Variants in CAST observed in about 807,000 individuals in gnomAD.
CAST encodes MIR583 host.
CAST carries 76 observed loss-of-function variants against 119.6 expected under a neutral mutation model. That is an observed-to-expected ratio of 0.64 (90% confidence interval 0.53 to 0.77). The LOEUF (loss-of-function observed/expected upper bound fraction) is 0.77, where lower values mean the gene tolerates loss of function less well. Ranked by LOEUF, CAST falls within the 30% of genes least tolerant of loss-of-function variation. The probability of loss-of-function intolerance (pLI) is 0.00; values close to 1 mark genes in which losing one functional copy is unlikely to be tolerated. For synonymous variants in CAST, 319 were observed against 331.6 expected, an observed-to-expected ratio of 0.96 and a Z score of 0.41; for missense variants, 953 against 946.5, an observed-to-expected ratio of 1.01 and a Z score of -0.09.
intron 1 of CAST, among the ~76,000 whole-genome samples, chr5:96,616,604 A>G (rs1297257715): frequency 1.5e-4 from 23 of 152,158 alleles, no homozygotes; most frequent in Admixed American, 1.5e-3. Context: ...GGAAGAGAAC[A>G]GCAGCTTAGC....
rs149720358 is a variant in CAST, at chr5:96,688,936, G to A, written c.139-6900G>A. 3.7e-3 allele frequency among the ~76,000 whole-genome samples: 568 copies of A among 152,248 alleles called. 3 individuals carry two copies. Among genetic ancestry groups the A allele is most frequent in the African/African-American group, 0.013 (539 of 41,538 alleles). ...AGATTTTTTACTTTGGGGCCCCTAA[G>A]AGATACTTTCAGAGCAAGGCTGCTG... On this transcript the variant is annotated intron_variant, in intron 2 of 31. Coordinates refer to ENST00000675179, the MANE Select transcript of CAST (RefSeq NM_001750.7).
chr5:96,190,700 A>G, the CAST span, among the ~76,000 whole-genome samples: 1 of 152,060 alleles, frequency 6.6e-6, no homozygotes, highest in Non-Finnish European at 1.5e-5. Context: ...GTAATCCTTC[A>G]TAGGTTTATT....
the CAST span, among the ~76,000 whole-genome samples, chr5:96,226,827 A>G: frequency 9.9e-4 from 151 of 152,292 alleles, no homozygotes; most frequent in Non-Finnish European, 1.7e-3. Flanking sequence ...ATTTCCTGTC[A>G]TGACATTTTT....
At chr5:96,002,704 A>T in the CAST span, among the ~76,000 whole-genome samples, 1 of 152,344 alleles carries the variant, frequency 6.6e-6, no homozygotes, top group African/African-American at 2.4e-5. Context: ...GGCAGACACA[A>T]ACAATAGATG....
At chr5:96,425,223 A>T in the CAST span, among the ~76,000 whole-genome samples, 6 of 152,322 alleles carry the variant, frequency 3.9e-5, no homozygotes, top group East Asian at 1.2e-3. Flanking sequence ...TACCATACAG[A>T]CGTAACATTA....
At chr5:96,107,330 A>C in the CAST span, among the ~76,000 whole-genome samples, 636 of 152,026 alleles carry the variant, frequency 4.2e-3, 4 homozygotes, top group African/African-American at 0.014. Context: ...GATGGTCTTT[A>C]CATTTTGGCA....
the CAST span, among the ~76,000 whole-genome samples, chr5:96,438,557 T>C: frequency 5.9e-5 from 9 of 152,308 alleles, no homozygotes; most frequent in African/African-American, 1.9e-4. Flanking sequence ...TTTTATATTA[T>C]GGTCCTTAAT....
the CAST span, among the ~76,000 whole-genome samples, chr5:96,272,860 C>T: frequency 6.6e-6 from 1 of 152,054 alleles, no homozygotes; most frequent in African/African-American, 2.4e-5. Flanking sequence ...CATGTAGCCT[C>T]AAAATATCTA....
Position 96,675,594 on chromosome 5 carries a change from C to A in CAST, c.131C>A (p.Ser44Ter), listed in dbSNP as rs1561461223. Residue 44 changes from serine (S) to a stop codon, truncating the protein, a stop_gained, in exon 2 of 32, where the codon TCA (serine) becomes TAA (stop). Transcript: ENST00000675179. LOFTEE classifies it high-confidence loss of function. ...SPSKPGEKKG[S>*]DEKKAASLGS... Reference sequence around the variant, plus strand: ...TCCAAACCAGGAGAAAAGAAAGGATCAGATGAGGTAATTTCCACAATACTG... The same window carrying A: ...TCCAAACCAGGAGAAAAGAAAGGATAAGATGAGGTAATTTCCACAATACTG... The A allele has an allele frequency of 6.2e-7, 1 of 1,610,596 alleles. No homozygotes were observed. The highest frequency in any genetic ancestry group is 1.1e-5 in the South Asian group (1 of 90,986).
At chr5:96,056,625 C>G in the CAST span, among the ~76,000 whole-genome samples, 1 of 152,170 alleles carries the variant, frequency 6.6e-6, no homozygotes, top group South Asian at 2.1e-4. Flanking sequence ...TTTGTCCATG[C>G]TTCTGTTTTC....
At chr5:96,023,409 A>G in the CAST span, among the ~76,000 whole-genome samples, 1 of 152,232 alleles carries the variant, frequency 6.6e-6, no homozygotes, top group Non-Finnish European at 1.5e-5. Context: ...AACGTTGAGT[A>G]GGGAAGCTAT....
intron 23 of CAST, 34 bp from the exon 24 acceptor site, chr5:96,757,549 T>C (rs796483974): frequency 6.2e-7 from 1 of 1,611,454 alleles, no homozygotes; most frequent in African/African-American, 1.3e-5. Flanking sequence ...CTGATTGCAA[T>C]GGTGTTTGTT....
chr5:95,991,923 C>A, the CAST span, among the ~76,000 whole-genome samples: 1 of 152,252 alleles, frequency 6.6e-6, no homozygotes, highest in Non-Finnish European at 1.5e-5. Flanking sequence ...ATGTGTGTAA[C>A]AAAATATCAC....
At chr5:96,490,784 A>G in the CAST span, among the ~76,000 whole-genome samples, 1 of 152,156 alleles carries the variant, frequency 6.6e-6, no homozygotes, top group Non-Finnish European at 1.5e-5. Flanking sequence ...GAAGTGCAAA[A>G]CAATAAAACT....
intron 22 of CAST, 29 bp downstream of exon 22, chr5:96,754,770 T>C (rs749120363): frequency 7.9e-7 from 1 of 1,260,542 alleles, no homozygotes; most frequent in Non-Finnish European, 1.2e-6. Context: ...TTTTCTATTT[T>C]ATTTTAATTC....
Position 96,773,872 on chromosome 5 carries a change from C to T in CAST, c.*1256C>T, listed in dbSNP as rs1001533134. 1 of 152,254 alleles carries T rather than the reference C, an allele frequency of 6.6e-6. No individual in the cohort carries two copies. Among genetic ancestry groups the T allele is most frequent in the African/African-American group, 2.4e-5 (1 of 41,418 alleles). The allele number at this position is 152,254 out of a possible 1,614,324, so 9.4% of individuals were successfully genotyped here. A position where few individuals can be genotyped will look rare whatever the true frequency, so the allele number is the denominator to read the frequency against. On this transcript the variant is annotated 3_prime_UTR_variant, in exon 32 of 32. Transcript: ENST00000675179. ...GGCCTTCCTTAGCATCAGTTTGAAG[C>T]TTTTGTTATGACTTAGCTGACTTGT...
At chr5:96,382,729 A>G in the CAST span, among the ~76,000 whole-genome samples, 1 of 152,280 alleles carries the variant, frequency 6.6e-6, no homozygotes, top group Admixed American at 6.5e-5. Context: ...CAACCCTATG[A>G]GGTAAATGAA....
chr5:96,297,730 CTTT>C, the CAST span, among the ~76,000 whole-genome samples: 1 of 151,608 alleles, frequency 6.6e-6, no homozygotes, highest in Non-Finnish European at 1.5e-5. Flanking sequence ...TGCTTTTATT[CTTT>C]TTTTTTCTTT....
the CAST span, among the ~76,000 whole-genome samples, chr5:96,363,100 C>G: frequency 6.9e-6 from 1 of 145,124 alleles, no homozygotes; most frequent in African/African-American, 2.6e-5. Flanking sequence ...GAATCCTTTC[C>G]CCATTGCTTG....
Sources: gnomAD v4.1 joint callset for allele counts (sites outside exome capture counted in the v4.1 genomes callset) on GRCh38, gnomAD v4.1.1 for gene constraint, MANE v1.5 for transcripts, NCBI Gene and HGNC (gene_info 2026-07-23, HGNC 2026-07-21) for gene names.